Variants in WSCD2 observed in about 807,000 individuals in gnomAD.
WSCD2 encodes the protein WSC domain sialate O sulfotransferase 2, also known as sialate:O-sulfotransferase 2.
WSCD2 carries 28 observed loss-of-function variants against 55.7 expected under a neutral mutation model. That is an observed-to-expected ratio of 0.50 (90% CI 0.37 to 0.69). The LOEUF is 0.69. Among genes scored for constraint, WSCD2 ranks in the 30% least tolerant of loss-of-function variants. The probability of loss-of-function intolerance (pLI) is 0.00; values close to 1 mark genes in which losing one functional copy is unlikely to be tolerated. For missense variants in WSCD2, 616 were observed against 762.1 expected (o/e 0.81, Z 2.26); for synonymous variants, 301 against 301.9 (o/e 1.00, Z 0.03).
chr12:108,241,145 G>A (rs771310200), intron 8 of WSCD2, among the ~76,000 whole-genome samples: 1 of 152,182 alleles, frequency 6.6e-6, no homozygotes, highest in Admixed American at 6.5e-5. Flanking sequence ...TCTGGGTGGC[G>A]AGGCTCAGAG....
chr12:108,246,994 C>T (rs769083293), intron 8 of WSCD2, among the ~76,000 whole-genome samples: 7 of 152,282 alleles, frequency 4.6e-5, no homozygotes, highest in South Asian at 4.1e-4. Context: ...CTGAACTCAA[C>T]GTGCCATGCT....
intron 2 of WSCD2, among the ~76,000 whole-genome samples, chr12:108,202,217 C>G (rs554226081): frequency 6.6e-6 from 1 of 152,110 alleles, no homozygotes; most frequent in Non-Finnish European, 1.5e-5. Flanking sequence ...ACCAAAGGTC[C>G]GTGGGAAAGG....
chr12:108,249,024 T>C lies in WSCD2; in HGVS notation c.*681T>C, dbSNP rs536225541. On this transcript the variant is annotated 3_prime_UTR_variant, in exon 9 of 9. Coordinates refer to ENST00000547525, the MANE Select transcript of WSCD2 (RefSeq NM_014653.4). ...GCTTCTCAGAAATGAGCTGCTTGCC[T>C]TTCCACCTCCAGGGCATGAACCCTG... 89 of 645,802 alleles carry C rather than the reference T, an allele frequency of 1.4e-4. 1 individual carries two copies. In the African/African-American group the frequency reaches 1.5e-3, roughly 11 times the overall value. 40.0% of individuals were successfully genotyped at this position (645,802 alleles called of 1,614,324 possible). A position where few individuals can be genotyped will look rare whatever the true frequency, so the allele number is the denominator to read the frequency against.
chr12:108,199,693 CT>C (rs1266755726), intron 2 of WSCD2, among the ~76,000 whole-genome samples: 2 of 152,194 alleles, frequency 1.3e-5, no homozygotes, highest in East Asian at 3.8e-4. Context: ...ATCACATAAT[CT>C]TCATAGTAAT....
intron 1 of WSCD2, among the ~76,000 whole-genome samples, chr12:108,139,528 G>T (rs576351277): frequency 2.4e-4 from 36 of 152,258 alleles, no homozygotes; most frequent in African/African-American, 7.7e-4. Flanking sequence ...CACCAACATG[G>T]GCTGTAGACT....
At chr12:108,140,866 G>A (rs1007962338) in intron 1 of WSCD2, among the ~76,000 whole-genome samples, 6 of 152,218 alleles carry the variant, frequency 3.9e-5, no homozygotes, top group African/African-American at 9.7e-5. Flanking sequence ...CCTGGGCATC[G>A]TGGCAGAGCT....
intron 1 of WSCD2, among the ~76,000 whole-genome samples, chr12:108,192,619 C>T (rs966529672): frequency 9.2e-5 from 14 of 152,206 alleles, no homozygotes; most frequent in Admixed American, 3.9e-4. Flanking sequence ...CTGGCTCCTG[C>T]CCACTGCTTG....
intron 2 of WSCD2, among the ~76,000 whole-genome samples, chr12:108,201,238 C>A (rs1298801355): frequency 6.6e-6 from 1 of 152,202 alleles, no homozygotes; most frequent in Non-Finnish European, 1.5e-5. Context: ...CCATGCCTTT[C>A]TCCTGGTTTC....
intron 2 of WSCD2, among the ~76,000 whole-genome samples, chr12:108,199,549 C>T (rs916585396): frequency 6.6e-6 from 1 of 152,246 alleles, no homozygotes; most frequent in Non-Finnish European, 1.5e-5. Flanking sequence ...GGTCGCTTCA[C>T]CTTTCTGACA....
chr12:108,133,304 G>A (rs1271008161), intron 1 of WSCD2, among the ~76,000 whole-genome samples: 2 of 152,162 alleles, frequency 1.3e-5, no homozygotes, highest in African/African-American at 4.8e-5. Flanking sequence ...GTGTTCCAGT[G>A]TAACTTTTGT....
At chr12:108,194,304 G>A (rs950642693) in intron 1 of WSCD2, among the ~76,000 whole-genome samples, 1 of 152,154 alleles carries the variant, frequency 6.6e-6, no homozygotes, top group Non-Finnish European at 1.5e-5. Flanking sequence ...CCACACCCGG[G>A]AGACCCTGAC....
intron 1 of WSCD2, among the ~76,000 whole-genome samples, chr12:108,181,502 C>A (rs886726566): frequency 6.6e-6 from 1 of 152,112 alleles, no homozygotes; most frequent in African/African-American, 2.4e-5. Context: ...AGGATATTGA[C>A]GGGGACTAGA....
chr12:108,247,841 G>A, intron 8 of WSCD2, 150 bp from the exon 9 acceptor site: 1 of 931,128 alleles, frequency 1.1e-6, no homozygotes, highest in Non-Finnish European at 1.6e-6. Flanking sequence ...ATAGGTGTGA[G>A]CCACCTCACC....
chr12:108,143,313 C>A (rs747745898), intron 1 of WSCD2, among the ~76,000 whole-genome samples: 1 of 152,144 alleles, frequency 6.6e-6, no homozygotes, highest in African/African-American at 2.4e-5. Flanking sequence ...GGGAAATGAT[C>A]GCTGCTGTTT....
rs1324066540 is a variant in WSCD2, at chr12:108,249,883, G to A, written c.*1540G>A. 2 of 152,620 alleles carry A rather than the reference G, an allele frequency of 1.3e-5. No individual in the cohort carries two copies. Among genetic ancestry groups the A allele is most frequent in the Non-Finnish European group, 2.9e-5 (2 of 68,040 alleles). 9.5% of individuals were successfully genotyped at this position (152,620 alleles called of 1,614,324 possible). On this transcript the variant is annotated 3_prime_UTR_variant, in exon 9 of 9. Coordinates refer to ENST00000547525, the MANE Select transcript of WSCD2 (RefSeq NM_014653.4). ...TTGGGCTGCCCCAGGCCCACCCAGG[G>A]GGCTCTGAATGTATTTTGTACCGTG... is the stretch of plus-strand genomic sequence containing the variant.
chr12:108,203,777 C>T (rs1350990907), intron 2 of WSCD2, among the ~76,000 whole-genome samples: 2 of 152,364 alleles, frequency 1.3e-5, no homozygotes, highest in East Asian at 1.9e-4. Context: ...CATCCAAAGT[C>T]CTATCACATC....
At chr12:108,183,236 G>A (rs552425293) in intron 1 of WSCD2, among the ~76,000 whole-genome samples, 1 of 152,324 alleles carries the variant, frequency 6.6e-6, no homozygotes, top group South Asian at 2.1e-4. Flanking sequence ...GTCAAAATGA[G>A]AAGATCCAGT....
intron 8 of WSCD2, among the ~76,000 whole-genome samples, chr12:108,246,085 C>T (rs1327803297): frequency 6.6e-6 from 1 of 152,230 alleles, no homozygotes; most frequent in Non-Finnish European, 1.5e-5. Context: ...GCTGCTGGTG[C>T]CTGGGAAAGA....
At chr12:108,184,693 A>G (rs1882234189) in intron 1 of WSCD2, among the ~76,000 whole-genome samples, 1 of 152,138 alleles carries the variant, frequency 6.6e-6, no homozygotes, top group Non-Finnish European at 1.5e-5. Context: ...GCTGGTGTCT[A>G]AGGGCCCTTT....
Sources: gnomAD v4.1 joint callset for allele counts (sites outside exome capture counted in the v4.1 genomes callset) on GRCh38, gnomAD v4.1.1 for gene constraint, MANE v1.5 for transcripts, NCBI Gene and HGNC (gene_info 2026-07-23, HGNC 2026-07-21) for gene names.